Variants in DOCK4 observed in about 807,000 individuals in gnomAD.
DOCK4 encodes dedicator of cytokinesis 4.
DOCK4 carries 97 observed loss-of-function variants against 268.1 expected under a neutral mutation model. The observed-to-expected ratio is 0.36, with a 90% CI of 0.31 to 0.43. DOCK4 has a LOEUF of 0.43. Ranked by LOEUF, DOCK4 falls within the 20% of genes least tolerant of loss-of-function variation. The pLI, the probability that DOCK4 is intolerant of heterozygous loss-of-function variation, is 1.00. For missense variants in DOCK4, 2,145 were observed against 2,455.7 expected (o/e 0.87, Z 2.67); for synonymous variants, 954 against 887.2 (o/e 1.08, Z -1.34).
chr7:111,950,704 C>A (rs945049212), intron 8 of DOCK4, among the ~76,000 whole-genome samples: 1 of 152,156 alleles, frequency 6.6e-6, no homozygotes, highest in African/African-American at 2.4e-5. Context: ...TGAAACTCTG[C>A]AAAAAGATAT....
intron 8 of DOCK4, among the ~76,000 whole-genome samples, chr7:111,968,332 G>C (rs1320278766): frequency 4.9e-5 from 4 of 80,926 alleles, no homozygotes; most frequent in South Asian, 4.4e-4. Context: ...CTAATATCCA[G>C]AATCTACAAT....
At chr7:111,833,453 A>G (rs1586125179) in intron 26 of DOCK4, among the ~76,000 whole-genome samples, 1 of 152,094 alleles carries the variant, frequency 6.6e-6, no homozygotes, top group Non-Finnish European at 1.5e-5. Flanking sequence ...CAGAGGCAGG[A>G]GGATTGTCTG....
At chr7:111,790,190 A>ACCC (rs1444542951) in intron 31 of DOCK4, among the ~76,000 whole-genome samples, 1 of 152,140 alleles carries the variant, frequency 6.6e-6, no homozygotes, top group African/African-American at 2.4e-5. Context: ...AAGTCTCTGC[A>ACCC]AGTTCTTAAA....
chr7:111,780,747 C>T (rs929226872), intron 35 of DOCK4, among the ~76,000 whole-genome samples: 1 of 152,154 alleles, frequency 6.6e-6, no homozygotes, highest in Non-Finnish European at 1.5e-5. Flanking sequence ...AGAGAAGTCT[C>T]TAAGAGGAAG....
chr7:111,852,049 C>T (rs1175365502), intron 23 of DOCK4, among the ~76,000 whole-genome samples: 2 of 151,006 alleles, frequency 1.3e-5, no homozygotes, highest in African/African-American at 2.4e-5. Flanking sequence ...CTGCAACTTC[C>T]GCCTCCTGGG....
chr7:111,912,887 T>G (rs989084723), intron 13 of DOCK4, among the ~76,000 whole-genome samples: 3 of 152,090 alleles, frequency 2.0e-5, no homozygotes, highest in African/African-American at 7.2e-5. Flanking sequence ...CTTCAAAAGT[T>G]TTTAAAAGGC....
chr7:111,818,068 G>T (rs1356106718), intron 27 of DOCK4, among the ~76,000 whole-genome samples: 1 of 152,150 alleles, frequency 6.6e-6, no homozygotes, highest in Non-Finnish European at 1.5e-5. Context: ...TACTCTGCTG[G>T]TTCTCATCTT....
intron 8 of DOCK4, among the ~76,000 whole-genome samples, chr7:111,947,517 TA>T (rs1434717110): frequency 2.0e-5 from 3 of 151,930 alleles, no homozygotes; most frequent in Non-Finnish European, 4.4e-5. Flanking sequence ...ATGAAGAGAA[TA>T]AAAATTGCTG....
intron 35 of DOCK4, among the ~76,000 whole-genome samples, chr7:111,781,469 G>C (rs2133751400): frequency 6.6e-6 from 1 of 152,346 alleles, no homozygotes; most frequent in South Asian, 2.1e-4. Context: ...ACTGAGAGCA[G>C]AGGTCAATGG....
chr7:111,988,057 A>G (rs1423345507), intron 6 of DOCK4, among the ~76,000 whole-genome samples: 1 of 152,230 alleles, frequency 6.6e-6, no homozygotes, highest in East Asian at 1.9e-4. Context: ...GGTAATGGGA[A>G]GTGGCATTCT....
chr7:112,144,023 T>C (rs1013196623), intron 1 of DOCK4, among the ~76,000 whole-genome samples: 4 of 152,186 alleles, frequency 2.6e-5, no homozygotes, highest in Non-Finnish European at 5.9e-5. Flanking sequence ...GGAAAGAGTA[T>C]GGGGCTTGGT....
intron 48 of DOCK4, 47 bp downstream of exon 48, chr7:111,739,349 G>A (rs1585834407): frequency 1.3e-6 from 2 of 1,596,382 alleles, no homozygotes; most frequent in East Asian, 2.2e-5. Context: ...CCCAGGACTA[G>A]AAGGTTCTCT....
Position 111,900,338 on chromosome 7 carries a change from A to C in DOCK4, c.1480+36T>G, listed in dbSNP as rs867500787. 1.6e-5 allele frequency: 26 copies of C among 1,604,104 alleles called. 2 individuals carry two copies. The Middle Eastern group carries it at 2.1e-3, about 133-fold the overall frequency. On this transcript the variant is annotated intron_variant, in intron 15 of 52. Transcript: ENST00000428084. The stretch of plus-strand genomic sequence containing the variant: ...CTCAGTAAGCAGGATACTCCAGCAC[A>C]ATAGACACAGGTAGCCAATGCCACC...
chr7:112,183,345 C>G (rs1819218904), intron 1 of DOCK4, among the ~76,000 whole-genome samples: 1 of 152,164 alleles, frequency 6.6e-6, no homozygotes, highest in Non-Finnish European at 1.5e-5. Context: ...TTTTATAAAG[C>G]AGGACATCAA....
intron 8 of DOCK4, among the ~76,000 whole-genome samples, chr7:111,976,157 A>ATATATATAT (rs59353212): frequency 0.018 from 1,384 of 78,810 alleles, 125 homozygotes; most frequent in Non-Finnish European, 0.021. Flanking sequence ...AAAAAAAAAA[A>ATATATATAT]AAAAATATAT....
intron 12 of DOCK4, among the ~76,000 whole-genome samples, chr7:111,934,088 AAAC>A (rs1182156792): frequency 2.6e-5 from 4 of 152,232 alleles, no homozygotes; most frequent in African/African-American, 4.8e-5. Context: ...CAGTCTTAAA[AAAC>A]AACACATTCA....
chr7:112,101,361 G>A (rs1051314168), intron 1 of DOCK4, among the ~76,000 whole-genome samples: 1 of 152,150 alleles, frequency 6.6e-6, no homozygotes, highest in Non-Finnish European at 1.5e-5. Flanking sequence ...CATAGCTCTC[G>A]TCCCCGGAGG....
chr7:111,783,473 T>G (rs1288901593), intron 34 of DOCK4, among the ~76,000 whole-genome samples: 2 of 152,114 alleles, frequency 1.3e-5, no homozygotes, highest in South Asian at 2.1e-4. Flanking sequence ...TTTAAGAGAA[T>G]AGCATGATTG....
At chr7:112,080,020 A>G (rs1808434854) in intron 1 of DOCK4, among the ~76,000 whole-genome samples, 1 of 152,152 alleles carries the variant, frequency 6.6e-6, no homozygotes, top group South Asian at 2.1e-4. Flanking sequence ...TCAGCTTTTA[A>G]ATTCCTATGG....
Sources: gnomAD v4.1 joint callset for allele counts (sites outside exome capture counted in the v4.1 genomes callset) on GRCh38, gnomAD v4.1.1 for gene constraint, MANE v1.5 for transcripts, NCBI Gene and HGNC (gene_info 2026-07-23, HGNC 2026-07-21) for gene names.